The following PSMD9 variants were observed in gnomAD, a reference collection of about 807,000 sequenced individuals.
The protein encoded by PSMD9 is 26S proteasome non-ATPase regulatory subunit 9.
A neutral mutation model predicts 25.9 loss-of-function variants in PSMD9; 26 were observed. The observed-to-expected ratio is 1.00, with a 90% confidence interval of 0.73 to 1.39. PSMD9 has a LOEUF of 1.39. PSMD9 is among the 40% of genes most tolerant of loss of function. PSMD9 has a pLI of 0.00. For missense variants in PSMD9, 303 were observed against 299.3 expected (o/e 1.01, Z -0.09); for synonymous variants, 110 against 114.5 (o/e 0.96, Z 0.25).
intron 1 of PSMD9, among the ~76,000 whole-genome samples, chr12:121,890,746 A>C (rs1879046934): frequency 6.6e-6 from 1 of 152,164 alleles, no homozygotes; most frequent in South Asian, 2.1e-4. Context: ...TGTTGGGGTT[A>C]CAGGCATGAG....
Position 121,905,597 on chromosome 12 carries a change from G to A in PSMD9, c.555+2490G>A, listed in dbSNP as rs190466839. On this transcript the variant is annotated intron_variant, in intron 4 of 5. Coordinates refer to ENST00000541212, the MANE Select transcript of PSMD9 (RefSeq NM_002813.7). ...GTCTGGAGTGCAGTGGCACGATCTC[G>A]GCTCACTGCAACCTCTGCCTCCCAG... is the stretch of plus-strand genomic sequence containing the variant. Among the ~76,000 whole-genome samples the A allele has an allele frequency of 2.6e-3, 389 of 151,082 alleles. 7 individuals are homozygous for A. Among genetic ancestry groups the A allele is most frequent in the South Asian group, 8.4e-3 (40 of 4,782 alleles).
chr12:121,901,863 A>G (rs1215962979), intron 3 of PSMD9, among the ~76,000 whole-genome samples: 1 of 150,134 alleles, frequency 6.7e-6, no homozygotes, highest in African/African-American at 2.5e-5. Flanking sequence ...TTGTATTTTT[A>G]GTAGAGACAG....
At chr12:121,897,023 C>G (rs1879254057) in intron 2 of PSMD9, among the ~76,000 whole-genome samples, 1 of 151,660 alleles carries the variant, frequency 6.6e-6, no homozygotes, top group African/African-American at 2.4e-5. Context: ...TGTATATATG[C>G]AAAATACACA....
chr12:121,911,047 G>T (rs1244470010), intron 4 of PSMD9: 1 of 455,060 alleles, frequency 2.2e-6, no homozygotes, highest in Non-Finnish European at 4.4e-6. Flanking sequence ...GTTTTGTTTT[G>T]TTTTGTTTTT....
chr12:121,889,124 G>C (rs1878982918), intron 1 of PSMD9, 130 bp downstream of exon 1: 6 of 1,185,388 alleles, frequency 5.1e-6, no homozygotes, highest in African/African-American at 1.5e-5. Context: ...GGCGCCGCAA[G>C]TGCGGCCTCT....
In PSMD9 at chr12:121,915,946, T is replaced by C. The variant is rs781636778; in HGVS notation, c.644+2T>C. On this transcript the variant is annotated splice_donor_variant, in intron 5 of 5. Coordinates refer to ENST00000541212, the MANE Select transcript of PSMD9 (RefSeq NM_002813.7). LOFTEE classifies it high-confidence loss of function. ...CTGGGCAGGAAAAGGACTGCTGGGGTAAAGTATCTGTTTCTGTTCATTCTC... is the reference window on the plus strand; with the variant it reads ...CTGGGCAGGAAAAGGACTGCTGGGGCAAAGTATCTGTTTCTGTTCATTCTC... 6.2e-7 allele frequency: 1 copy of C among 1,612,382 alleles called. No individual in the cohort carries two copies. Among genetic ancestry groups the C allele is most frequent in the Admixed American group, 1.7e-5 (1 of 59,826 alleles).
At chr12:121,900,495 A>G (rs1008701135) in intron 3 of PSMD9, among the ~76,000 whole-genome samples, 4 of 151,346 alleles carry the variant, frequency 2.6e-5, no homozygotes, top group Admixed American at 6.6e-5. Context: ...GTTCGAGACC[A>G]ACCTGGCCAA....
intron 3 of PSMD9, among the ~76,000 whole-genome samples, chr12:121,901,594 A>G (rs1259785912): frequency 6.8e-6 from 1 of 147,658 alleles, no homozygotes; most frequent in Non-Finnish European, 1.5e-5. Flanking sequence ...GCCTCAAGCG[A>G]TCCTTCTTCC....
At position 121,903,164 on chromosome 12, in the gene PSMD9, A is replaced by T; in HGVS notation, c.555+57A>T. ...TTGGGTTTTTCTAACAGTATGCCAT[A>T]GACTGCGTGGCTTACAAACAACAGA... is the stretch of plus-strand genomic sequence containing the variant. On this transcript the variant is annotated intron_variant, in intron 4 of 5. Transcript: ENST00000541212. The T allele has an allele frequency of 3.5e-6, 5 of 1,411,762 alleles. 1 individual carries two copies. The highest frequency in any genetic ancestry group is 5.0e-6 in the Non-Finnish European group (5 of 998,958). 87.5% of individuals were successfully genotyped at this position (1,411,762 alleles called of 1,614,324 possible). A position where few individuals can be genotyped will look rare whatever the true frequency, so the allele number is the denominator to read the frequency against.
At chr12:121,889,105 G>A (rs934719155) in intron 1 of PSMD9, 111 bp downstream of exon 1, 2 of 1,388,662 alleles carry the variant, frequency 1.4e-6, no homozygotes, top group Admixed American at 5.1e-5. Flanking sequence ...ATCTCCCTGG[G>A]AGGCCCAAGG....
chr12:121,900,523 T>G (rs11043236), intron 3 of PSMD9, among the ~76,000 whole-genome samples: 19,612 of 148,000 alleles, frequency 0.13, 1,857 homozygotes, highest in African/African-American at 0.26. Context: ...AAACCCCGTC[T>G]CTACTAAAAA....
chr12:121,897,003 T>C (rs755216868), intron 2 of PSMD9, among the ~76,000 whole-genome samples: 51 of 150,920 alleles, frequency 3.4e-4, no homozygotes, highest in Non-Finnish European at 5.3e-4. Context: ...ATGTAAAATA[T>C]ACACATGCGT....
intron 4 of PSMD9, among the ~76,000 whole-genome samples, chr12:121,904,951 C>T (rs1450243299): frequency 6.6e-6 from 1 of 151,468 alleles, no homozygotes; most frequent in Non-Finnish European, 1.5e-5. Flanking sequence ...ATTTTTACAA[C>T]AGTTTTATTG....
At chr12:121,899,875 T>C (rs1218001778) in intron 3 of PSMD9, 30 bp downstream of exon 3, 1 of 1,612,612 alleles carries the variant, frequency 6.2e-7, no homozygotes. Flanking sequence ...CTCAAGTCCA[T>C]GCCCAGGGGA....
intron 4 of PSMD9, among the ~76,000 whole-genome samples, chr12:121,905,541 T>C (rs558800714): frequency 2.7e-5 from 4 of 149,988 alleles, no homozygotes; most frequent in East Asian, 3.9e-4. Context: ...CTTTTTTTTT[T>C]CTTTAAGATG....
chr12:121,916,014 G>A, intron 5 of PSMD9, 70 bp downstream of exon 5: 2 of 1,467,908 alleles, frequency 1.4e-6, no homozygotes, highest in Non-Finnish European at 1.9e-6. Flanking sequence ...GAAGCTGGAG[G>A]GGAAGGCTGG....
At chr12:121,905,409 A>G (rs1413561243) in intron 4 of PSMD9, among the ~76,000 whole-genome samples, 1 of 150,254 alleles carries the variant, frequency 6.7e-6, no homozygotes, top group Non-Finnish European at 1.5e-5. Flanking sequence ...TATTTTTAGT[A>G]GAGATGGGGT....
intron 2 of PSMD9, among the ~76,000 whole-genome samples, chr12:121,896,648 C>G (rs901939375): frequency 6.6e-6 from 1 of 151,780 alleles, no homozygotes; most frequent in African/African-American, 2.4e-5. Context: ...ACCAGCCTGA[C>G]CAACATGGAG....
chr12:121,913,789 G>A (rs1000076437), intron 4 of PSMD9, among the ~76,000 whole-genome samples: 3 of 152,228 alleles, frequency 2.0e-5, no homozygotes, highest in Admixed American at 1.3e-4. Context: ...ATGAGCCACC[G>A]TACCCAGCAT....
Sources: allele counts gnomAD v4.1 joint callset (sites outside exome capture counted in the v4.1 genomes callset), GRCh38; gene constraint gnomAD v4.1.1; transcripts MANE v1.5; gene names NCBI Gene and HGNC (gene_info 2026-07-23, HGNC 2026-07-21).